DIAPH2: variants seen among roughly 807,000 people sequenced by gnomAD.
DIAPH2 encodes protein diaphanous homolog 2.
In DIAPH2, 35 loss-of-function variants were observed where a neutral mutation model predicts 92.7. That is an observed-to-expected ratio of 0.38 (90% CI 0.29 to 0.50). The LOEUF (loss-of-function observed/expected upper bound fraction) is 0.50. DIAPH2 is among the 20% of genes least tolerant of loss of function. The pLI is 0.94. For synonymous variants in DIAPH2, 301 were observed against 280.4 expected, an observed-to-expected ratio of 1.07 and a Z score of -0.73; for missense variants, 701 against 819.5, an observed-to-expected ratio of 0.86 and a Z score of 1.77.
intron 26 of DIAPH2, among the ~76,000 whole-genome samples, chrX:97,473,619 G>C (rs905666042): frequency 8.9e-6 from 1 of 112,161 alleles, no homozygotes; most frequent in Non-Finnish European, 1.9e-5. Context: ...ATAGGTGTGA[G>C]CCACCACGCC....
chrX:96,711,667 C>T (rs770343456), intron 1 of DIAPH2, among the ~76,000 whole-genome samples: 2 of 110,974 alleles, frequency 1.8e-5, no homozygotes, highest in Non-Finnish European at 3.8e-5. Flanking sequence ...TGATTGAATG[C>T]CTATGTGTTA....
At chrX:97,502,720 C>T (rs1227677763) in intron 26 of DIAPH2, among the ~76,000 whole-genome samples, 2 of 112,620 alleles carry the variant, frequency 1.8e-5, no homozygotes, top group Admixed American at 1.9e-4. Flanking sequence ...ATTTGAGCAA[C>T]AGAAACATAT....
At chrX:97,011,309 T>C (rs1458506393) in intron 17 of DIAPH2, among the ~76,000 whole-genome samples, 2 of 112,101 alleles carry the variant, frequency 1.8e-5, no homozygotes, top group African/African-American at 6.5e-5. Flanking sequence ...CCTTGCTCGC[T>C]TCATTTGTTC....
chrX:97,456,061 C>A (rs991370898), intron 26 of DIAPH2, among the ~76,000 whole-genome samples: 1 of 112,144 alleles, frequency 8.9e-6, no homozygotes, highest in African/African-American at 3.2e-5. Context: ...TGACTTCTTT[C>A]TACAGAAATG....
chrX:97,351,587 G>T (rs904139627), intron 24 of DIAPH2, among the ~76,000 whole-genome samples: 1 of 111,364 alleles, frequency 9.0e-6, no homozygotes, highest in Admixed American at 9.6e-5. Flanking sequence ...AGGCCGAGGC[G>T]GGTGGATCAC....
At chrX:96,714,752 G>A (rs1334695734) in intron 1 of DIAPH2, among the ~76,000 whole-genome samples, 2 of 111,986 alleles carry the variant, frequency 1.8e-5, no homozygotes, top group African/African-American at 6.5e-5. Context: ...TCAATAAATT[G>A]TATCAATGTT....
chrX:97,094,729 T>C (rs2066852755), intron 19 of DIAPH2, among the ~76,000 whole-genome samples: 1 of 112,401 alleles, frequency 8.9e-6, no homozygotes, highest in Non-Finnish European at 1.9e-5. Context: ...TTGTGTTCCA[T>C]TGTGTAAACA....
At chrX:97,039,007 T>C (rs2066430559) in intron 17 of DIAPH2, among the ~76,000 whole-genome samples, 1 of 111,601 alleles carries the variant, frequency 9.0e-6, no homozygotes, top group African/African-American at 3.2e-5. Context: ...CAAATTTGTT[T>C]CTGAAAGGCT....
intron 4 of DIAPH2, among the ~76,000 whole-genome samples, chrX:96,801,557 T>C (rs1451472911): frequency 9.0e-6 from 1 of 111,417 alleles, no homozygotes; most frequent in East Asian, 2.8e-4. Context: ...CTAACAGGTA[T>C]AAAATGGATT....
chrX:97,359,227 G>A (rs1300223053), intron 24 of DIAPH2, among the ~76,000 whole-genome samples: 1 of 111,746 alleles, frequency 8.9e-6, no homozygotes, highest in Admixed American at 9.6e-5. Context: ...TGACTGTCCA[G>A]TTAGGCTATT....
intron 17 of DIAPH2, among the ~76,000 whole-genome samples, chrX:97,025,555 G>A (rs999111819): frequency 2.7e-5 from 3 of 110,013 alleles, no homozygotes; most frequent in Non-Finnish European, 3.8e-5. Flanking sequence ...GGGAGGCTGA[G>A]GCAGGAGAAT....
At chrX:97,254,263 G>A (rs927366219) in intron 23 of DIAPH2, among the ~76,000 whole-genome samples, 1 of 111,094 alleles carries the variant, frequency 9.0e-6, no homozygotes, top group Non-Finnish European at 1.9e-5. Context: ...AGGCCAAGGT[G>A]GGTAGATCAC....
chrX:96,824,126 G>T (rs373178249), intron 4 of DIAPH2, among the ~76,000 whole-genome samples: 22 of 110,392 alleles, frequency 2.0e-4, no homozygotes, highest in African/African-American at 7.2e-4. Context: ...ACATCTGTAG[G>T]GGTCTTTTAT....
chrX:97,506,676 A>G (rs1389693637), intron 26 of DIAPH2, among the ~76,000 whole-genome samples: 1 of 110,581 alleles, frequency 9.0e-6, no homozygotes, highest in African/African-American at 3.3e-5. Context: ...TCCAAGAGTC[A>G]GTTCGAGTGT....
At chrX:96,972,040 T>C in intron 17 of DIAPH2, among the ~76,000 whole-genome samples, 1 of 111,559 alleles carries the variant, frequency 9.0e-6, no homozygotes, top group Non-Finnish European at 1.9e-5. Flanking sequence ...AACTTAAACT[T>C]CACCGCCTGG....
chrX:97,282,413 G>C (rs1353814532), intron 23 of DIAPH2, among the ~76,000 whole-genome samples: 1 of 111,598 alleles, frequency 9.0e-6, no homozygotes, highest in Non-Finnish European at 1.9e-5. Flanking sequence ...AGGTTCAAGC[G>C]ATTCTCCTGC....
chrX:97,595,830 C>G (rs5920933), intron 26 of DIAPH2, among the ~76,000 whole-genome samples: 4,433 of 110,930 alleles, frequency 0.04, 78 homozygotes, highest in Non-Finnish European at 0.06. Context: ...TGGGGTTTCT[C>G]CATGTTGGTC....
intron 22 of DIAPH2, among the ~76,000 whole-genome samples, chrX:97,152,784 G>A (rs2067294783): frequency 9.4e-6 from 1 of 106,085 alleles, no homozygotes; most frequent in Non-Finnish European, 2.0e-5. Flanking sequence ...CACCTCCATG[G>A]TAGGGATTAA....
chrX:97,044,279 T>C (rs1222246555), intron 17 of DIAPH2, among the ~76,000 whole-genome samples: 2 of 111,783 alleles, frequency 1.8e-5, no homozygotes, highest in Non-Finnish European at 3.8e-5. Flanking sequence ...TGACATTTAA[T>C]GCTATATTGT....
Sources: gnomAD v4.1 joint callset for allele counts (sites outside exome capture counted in the v4.1 genomes callset) on GRCh38, gnomAD v4.1.1 for gene constraint, MANE v1.5 for transcripts, NCBI Gene and HGNC (gene_info 2026-07-23, HGNC 2026-07-21) for gene names.